EIF2A: variants seen among roughly 807,000 people sequenced by gnomAD.
EIF2A encodes 65 kDa eukaryotic translation initiation factor 2A.
A neutral mutation model predicts 75.2 loss-of-function variants in EIF2A; 62 were observed. The observed-to-expected ratio is 0.82, with a 90% CI of 0.67 to 1.02. EIF2A has a LOEUF of 1.02. Ranked by LOEUF, EIF2A falls within the 50% of genes least tolerant of loss-of-function variation. EIF2A has a pLI of 0.00. For synonymous variants in EIF2A, 207 were observed against 239.0 expected (o/e 0.87, Z 1.23); for missense variants, 611 against 677.7 (o/e 0.90, Z 1.09).
At chr3:150,564,471 A>C in intron 6 of EIF2A, 90 bp downstream of exon 6, 1 of 944,374 alleles carries the variant, frequency 1.1e-6, no homozygotes, top group Non-Finnish European at 1.5e-6. Context: ...GTTTTCCTAA[A>C]TACTGTTAAT....
intron 2 of EIF2A, among the ~76,000 whole-genome samples, chr3:150,556,135 G>A (rs1368692722): frequency 6.6e-6 from 1 of 152,168 alleles, no homozygotes; most frequent in Non-Finnish European, 1.5e-5. Context: ...GTGGCGTTAG[G>A]AGATGAGGTC....
At chr3:150,583,371 T>G (rs1725301393) in intron 13 of EIF2A, 106 bp downstream of exon 13, 1 of 1,082,196 alleles carries the variant, frequency 9.2e-7, no homozygotes, top group Non-Finnish European at 1.3e-6. Flanking sequence ...GTTTAAAAAC[T>G]TATTTTGAAA....
At chr3:150,559,498 CTTTTT>C (rs36038911) in intron 3 of EIF2A, among the ~76,000 whole-genome samples, 2 of 110,576 alleles carry the variant, frequency 1.8e-5, no homozygotes, top group Admixed American at 2.1e-4. Context: ...ATGCCCAGCC[CTTTTT>C]TTTTTTTTTT....
intron 2 of EIF2A, among the ~76,000 whole-genome samples, chr3:150,558,081 GT>G (rs1408210941): frequency 1.3e-5 from 2 of 152,112 alleles, no homozygotes; most frequent in African/African-American, 4.8e-5. Context: ...TCTTATTTTT[GT>G]TATACTTTCT....
chr3:150,547,509 G>C (rs1723102977), intron 1 of EIF2A, among the ~76,000 whole-genome samples: 1 of 152,194 alleles, frequency 6.6e-6, no homozygotes, highest in Non-Finnish European at 1.5e-5. Context: ...ATTGGAAAAT[G>C]CTGGGGAAGT....
At chr3:150,573,192 G>C (rs888193019) in intron 10 of EIF2A, among the ~76,000 whole-genome samples, 2 of 152,152 alleles carry the variant, frequency 1.3e-5, no homozygotes, top group Non-Finnish European at 2.9e-5. Context: ...ATTTTGGTGA[G>C]GGGGAGAAAT....
chr3:150,564,602 A>G (rs1724071270), intron 6 of EIF2A: 2 of 347,900 alleles, frequency 5.7e-6, no homozygotes, highest in Non-Finnish European at 1.0e-5. Flanking sequence ...GGTAATTGCT[A>G]TTAAGACATT....
At chr3:150,550,051 T>C (rs907247270) in intron 1 of EIF2A, among the ~76,000 whole-genome samples, 1 of 152,182 alleles carries the variant, frequency 6.6e-6, no homozygotes, top group Non-Finnish European at 1.5e-5. Flanking sequence ...TATGAATGTC[T>C]AAAAAGGCTA....
chr3:150,563,132 T>C (rs1723981039), intron 4 of EIF2A, among the ~76,000 whole-genome samples: 1 of 152,204 alleles, frequency 6.6e-6, no homozygotes, highest in African/African-American at 2.4e-5. Flanking sequence ...ACATTTCATA[T>C]AACTGTGTTT....
chr3:150,574,353 C>G (rs533592155), intron 10 of EIF2A, among the ~76,000 whole-genome samples: 3 of 152,232 alleles, frequency 2.0e-5, no homozygotes, highest in Non-Finnish European at 4.4e-5. Flanking sequence ...CTACATGATG[C>G]TCATAAGCGT....
chr3:150,568,039 T>TA lies in EIF2A; in HGVS notation c.693dup (p.Ala232SerfsTer9). 6.2e-7 allele frequency: 1 copy of TA among 1,604,864 alleles called. No homozygotes were observed. The highest frequency in any genetic ancestry group is 8.5e-7 in the Non-Finnish European group (1 of 1,177,470). On this transcript the variant is annotated frameshift_variant, in exon 8 of 14. Coordinates refer to ENST00000460851, the MANE Select transcript of EIF2A (RefSeq NM_032025.5). LOFTEE classifies it high-confidence loss of function. ...CAGATAAAGTTACAATGCTGTGGAA[T>TA]AAAAAAGGTATGTTAAGTATATTTT...
Position 150,584,103 on chromosome 3 carries a change from C to G in EIF2A, c.*192C>G, listed in dbSNP as rs1725342652. On this transcript the variant is annotated 3_prime_UTR_variant, in exon 14 of 14. Coordinates refer to ENST00000460851, the MANE Select transcript of EIF2A (RefSeq NM_032025.5). ...TAAATTGATATTTATATCTTGCATC[C>G]TATATCATGTCAATATGTGATATAG... 7.7e-6 allele frequency: 4 copies of G among 516,666 alleles called. No individual in the cohort carries two copies. The highest frequency in any genetic ancestry group is 1.3e-5 in the Non-Finnish European group (4 of 299,084). 32.0% of individuals were successfully genotyped at this position (516,666 alleles called of 1,614,324 possible).
In EIF2A at chr3:150,564,456, A is replaced by G. The variant is rs1208989552; in HGVS notation, c.475+75A>G. The G allele has an allele frequency of 6.7e-6, 8 of 1,199,616 alleles. No individual in the cohort carries two copies. In the East Asian group the frequency reaches 1.6e-4, roughly 24 times the overall value. 74.3% of individuals were successfully genotyped at this position (1,199,616 alleles called of 1,614,324 possible). A position where few individuals can be genotyped will look rare whatever the true frequency, so the allele number is the denominator to read the frequency against. ...AGTTTCCATTAACTTTTATGACATC[A>G]TAGGGTTTTCCTAAATACTGTTAAT... On this transcript the variant is annotated intron_variant, in intron 6 of 13. Coordinates refer to ENST00000460851, the MANE Select transcript of EIF2A (RefSeq NM_032025.5).
At chr3:150,573,314 G>A (rs1313261521) in intron 10 of EIF2A, among the ~76,000 whole-genome samples, 4 of 152,108 alleles carry the variant, frequency 2.6e-5, no homozygotes, top group East Asian at 1.9e-4. Context: ...GTGCAGTGGC[G>A]CGATCTCTGC....
chr3:150,574,633 T>C (rs1724752870), intron 10 of EIF2A, among the ~76,000 whole-genome samples: 2 of 152,248 alleles, frequency 1.3e-5, no homozygotes, highest in Non-Finnish European at 2.9e-5. Context: ...TTGTTTCAAG[T>C]AGAATATGAA....
chr3:150,559,865 A>G (rs1723760062), intron 3 of EIF2A, among the ~76,000 whole-genome samples: 1 of 152,126 alleles, frequency 6.6e-6, no homozygotes, highest in Admixed American at 6.6e-5. Flanking sequence ...AACAGTTTTA[A>G]TCTCAGCCTC....
chr3:150,561,288 C>T (rs1576592755), intron 3 of EIF2A, among the ~76,000 whole-genome samples: 1 of 152,002 alleles, frequency 6.6e-6, no homozygotes. Context: ...TAAAAGTATA[C>T]TTTTGCGGGC....
At chr3:150,583,718 C>T (rs1725320731) in intron 13 of EIF2A, 128 bp from the exon 14 acceptor site, 1 of 832,078 alleles carries the variant, frequency 1.2e-6, no homozygotes, top group African/African-American at 1.7e-5. Context: ...TGTTTCTAAC[C>T]TGTATTTTAA....
intron 10 of EIF2A, 88 bp downstream of exon 10, chr3:150,572,617 G>T: frequency 7.8e-7 from 1 of 1,289,140 alleles, no homozygotes; most frequent in Non-Finnish European, 1.1e-6. Flanking sequence ...CACTTCGGGA[G>T]GCCGAGGCGG....
Sources: allele counts gnomAD v4.1 joint callset (sites outside exome capture counted in the v4.1 genomes callset), GRCh38; gene constraint gnomAD v4.1.1; transcripts MANE v1.5; gene names NCBI Gene and HGNC (gene_info 2026-07-23, HGNC 2026-07-21).